PTPRD: variants seen among roughly 807,000 people sequenced by gnomAD.
PTPRD encodes the protein receptor-type tyrosine-protein phosphatase delta.
In PTPRD, 34 loss-of-function variants were observed where a neutral mutation model predicts 214.5. The observed-to-expected ratio is 0.16, with a 90% CI of 0.12 to 0.21. PTPRD has a LOEUF of 0.21. PTPRD is among the 10% of genes least tolerant of loss of function. PTPRD has a pLI of 1.00. For missense variants in PTPRD, 2,545 were observed against 2,398.7 expected, an observed-to-expected ratio of 1.06 and a Z score of -1.27; for synonymous variants, 1,128 against 845.7, an observed-to-expected ratio of 1.33 and a Z score of -5.79.
chr9:10,571,543 G>T (rs1331606607), intron 2 of PTPRD, among the ~76,000 whole-genome samples: 1 of 152,074 alleles, frequency 6.6e-6, no homozygotes, highest in Non-Finnish European at 1.5e-5. Context: ...ACAGACCTTG[G>T]AACTGTATTG....
intron 10 of PTPRD, among the ~76,000 whole-genome samples, chr9:9,019,799 G>A (rs1344948967): frequency 1.3e-5 from 2 of 152,046 alleles, no homozygotes; most frequent in East Asian, 3.9e-4. Flanking sequence ...GTAGTGTTTC[G>A]GGAGTTTTAT....
At chr9:9,640,052 A>G (rs746316757) in intron 7 of PTPRD, among the ~76,000 whole-genome samples, 4 of 152,186 alleles carry the variant, frequency 2.6e-5, no homozygotes, top group African/African-American at 9.7e-5. Flanking sequence ...TTCCTTGGTA[A>G]CTGAACCTTG....
At chr9:8,324,885 C>T (rs536876817) in intron 44 of PTPRD, among the ~76,000 whole-genome samples, 15 of 152,190 alleles carry the variant, frequency 9.9e-5, no homozygotes, top group Admixed American at 4.6e-4. Flanking sequence ...GTTTGTCTGC[C>T]GCATCAGTGT....
rs371349092 is a variant in PTPRD at position 9,982,785 on chromosome 9, A to G, written c.-471-44175T>C. The stretch of plus-strand genomic sequence containing the variant: ...AAATAAAATAAAAGCTTAATGAAGC[A>G]AGGAGGACAATATTTCACTTCTTGA... On this transcript the variant is annotated intron_variant, in intron 4 of 45. Transcript: ENST00000381196. Among the ~76,000 whole-genome samples the G allele has an allele frequency of 2.6e-5, 4 of 152,290 alleles. No individual in the cohort carries two copies. In the East Asian group the frequency reaches 7.7e-4, roughly 29 times the overall value.
intron 35 of PTPRD, 47 bp from the exon 36 acceptor site, chr9:8,404,707 C>T (rs534194891): frequency 2.8e-5 from 44 of 1,565,806 alleles, no homozygotes; most frequent in Non-Finnish European, 3.7e-5. Flanking sequence ...TACTGAAAAC[C>T]ACCAGATTAT....
intron 9 of PTPRD, among the ~76,000 whole-genome samples, chr9:9,303,633 G>C (rs1445433404): frequency 6.6e-6 from 1 of 151,988 alleles, no homozygotes; most frequent in Non-Finnish European, 1.5e-5. Flanking sequence ...AGAAAAATGG[G>C]AACAGTCAAC....
At chr9:8,639,736 A>T (rs2096532329) in intron 12 of PTPRD, among the ~76,000 whole-genome samples, 1 of 152,192 alleles carries the variant, frequency 6.6e-6, no homozygotes, top group Non-Finnish European at 1.5e-5. Context: ...GTTGCCATGT[A>T]AGGACCTAAA....
chr9:8,675,895 T>C (rs1386732847), intron 12 of PTPRD, among the ~76,000 whole-genome samples: 1 of 152,178 alleles, frequency 6.6e-6, no homozygotes, highest in Non-Finnish European at 1.5e-5. Flanking sequence ...CTAAAGAACA[T>C]ATCCCATCAT....
chr9:9,621,420 A>G (rs1593268351), intron 7 of PTPRD, among the ~76,000 whole-genome samples: 1 of 152,174 alleles, frequency 6.6e-6, no homozygotes, highest in East Asian at 1.9e-4. Flanking sequence ...TCTCCTATCA[A>G]TAAATATGTT....
rs115119771 is a variant in PTPRD, at chr9:8,707,532, T to C, written c.64+26248A>G. On this transcript the variant is annotated intron_variant, in intron 12 of 45. Transcript: ENST00000381196. Reference sequence around the variant, plus strand: ...AAAGTGTTCCTTAAATTACTTAGCATGGGCTAAGAAATTCATATATTTCCT... The same window carrying C: ...AAAGTGTTCCTTAAATTACTTAGCACGGGCTAAGAAATTCATATATTTCCT... Among the ~76,000 whole-genome samples the C allele has an allele frequency of 3.8e-3, 575 of 152,364 alleles. 2 individuals are homozygous for C. The highest frequency in any genetic ancestry group is 0.013 in the African/African-American group (550 of 41,582).
intron 2 of PTPRD, among the ~76,000 whole-genome samples, chr9:10,456,690 T>C (rs2098920201): frequency 6.6e-6 from 1 of 151,834 alleles, no homozygotes; most frequent in East Asian, 1.9e-4. Context: ...TCTTTTTCAG[T>C]GTGTTTTCTT....
At chr9:10,285,965 A>G (rs2095338040) in intron 3 of PTPRD, among the ~76,000 whole-genome samples, 1 of 152,196 alleles carries the variant, frequency 6.6e-6, no homozygotes, top group East Asian at 1.9e-4. Flanking sequence ...ACTCAATAGG[A>G]TTATGTAGAA....
chr9:10,277,430 C>G (rs549577550), intron 3 of PTPRD, among the ~76,000 whole-genome samples: 1 of 152,320 alleles, frequency 6.6e-6, no homozygotes, highest in African/African-American at 2.4e-5. Context: ...CTCGGCACCA[C>G]TAGTTTAGTT....
chr9:8,338,858 AG>A, intron 43 of PTPRD, 63 bp downstream of exon 43: 2 of 1,500,176 alleles, frequency 1.3e-6, no homozygotes, highest in South Asian at 1.3e-5. Flanking sequence ...AGAGAGAGAG[AG>A]AGAGAGGTAT....
chr9:9,422,478 C>T (rs146188458), intron 8 of PTPRD, among the ~76,000 whole-genome samples: 3 of 152,080 alleles, frequency 2.0e-5, no homozygotes, highest in Non-Finnish European at 2.9e-5. Context: ...TTTTAAAGCA[C>T]TGGAGAGCTT....
At chr9:8,607,273 T>G (rs1270853537) in intron 14 of PTPRD, among the ~76,000 whole-genome samples, 3 of 152,322 alleles carry the variant, frequency 2.0e-5, no homozygotes, top group Admixed American at 6.5e-5. Context: ...AAAAACATCA[T>G]GTACATGGTA....
chr9:8,916,068 A>G (rs2098783837), intron 11 of PTPRD, among the ~76,000 whole-genome samples: 2 of 152,204 alleles, frequency 1.3e-5, no homozygotes, highest in Admixed American at 1.3e-4. Flanking sequence ...AAGGTTTTAT[A>G]TCAAAGATCA....
At chr9:9,438,271 A>T (rs1305982043) in intron 8 of PTPRD, among the ~76,000 whole-genome samples, 6 of 152,202 alleles carry the variant, frequency 3.9e-5, no homozygotes, top group African/African-American at 9.7e-5. Context: ...CAGTGCCTAC[A>T]GCAAAAGACT....
intron 33 of PTPRD, among the ~76,000 whole-genome samples, chr9:8,451,118 T>A (rs144872321): frequency 5.3e-5 from 8 of 152,294 alleles, no homozygotes; most frequent in African/African-American, 1.7e-4. Context: ...CTCATCTGTA[T>A]AAAATAAAAC....
Sources: allele counts gnomAD v4.1 joint callset (sites outside exome capture counted in the v4.1 genomes callset), GRCh38; gene constraint gnomAD v4.1.1; transcripts MANE v1.5; gene names NCBI Gene and HGNC (gene_info 2026-07-23, HGNC 2026-07-21).